Variants in MAPK10 observed in about 807,000 individuals in gnomAD.
MAPK10 encodes the protein mitogen-activated protein kinase 10, also known as JNK3 alpha protein kinase.
MAPK10 carries 25 observed loss-of-function variants against 59.3 expected under a neutral mutation model. The ratio of observed to expected loss-of-function variants is 0.42; its 90% CI spans 0.31 to 0.59. MAPK10 has a LOEUF of 0.59. Among genes scored for constraint, MAPK10 ranks in the 20% least tolerant of loss-of-function variants. The pLI is 0.15. For synonymous variants in MAPK10, 190 were observed against 200.5 expected, an observed-to-expected ratio of 0.95 and a Z score of 0.44; for missense variants, 351 against 568.9, an observed-to-expected ratio of 0.62 and a Z score of 3.90.
intron 2 of MAPK10, among the ~76,000 whole-genome samples, chr4:86,340,806 T>A (rs963884511): frequency 6.6e-6 from 1 of 152,192 alleles, no homozygotes; most frequent in Non-Finnish European, 1.5e-5. Context: ...CCAGTGTGAC[T>A]AAGAGAAAGA....
rs138103342 is a variant in MAPK10, at chr4:86,511,316, G to A, written c.-263+82594C>T. Among the ~76,000 whole-genome samples, 1,432 of 151,358 alleles carry A rather than the reference G, an allele frequency of 9.5e-3. 6 individuals are homozygous for A. The highest frequency in any genetic ancestry group is 0.014 in the Non-Finnish European group (958 of 67,632). Reference sequence around the variant, plus strand: ...CTGGGCAATGTAAGGAGACATTTTGGGAGGCCAAGGTGAGTGGATTGCATG... The same window carrying A: ...CTGGGCAATGTAAGGAGACATTTTGAGAGGCCAAGGTGAGTGGATTGCATG... On this transcript the variant is annotated intron_variant, in intron 1 of 4. Coordinates refer to the MAPK10 transcript ENST00000502302.
rs183974843 is a variant in MAPK10 at position 86,307,743 on chromosome 4, T to C, written c.-7+46787A>G. ...GCAAATAGGGGACATTAATAGGGAA[T>C]AGTAGAGTGGTGGAATATTGTCAAG... On this transcript the variant is annotated intron_variant, in intron 2 of 13. Transcript: ENST00000641462. Among the ~76,000 whole-genome samples, 289 of 152,172 alleles carry C rather than the reference T, an allele frequency of 1.9e-3. 2 individuals are homozygous for C. Among genetic ancestry groups the C allele is most frequent in the African/African-American group, 6.7e-3 (280 of 41,538 alleles).
At chr4:86,319,957 C>T (rs796489491) in intron 2 of MAPK10, among the ~76,000 whole-genome samples, 20 of 152,304 alleles carry the variant, frequency 1.3e-4, no homozygotes, top group African/African-American at 4.8e-4. Context: ...CAAAATATAC[C>T]ACTTACACCC....
At chr4:86,443,584 A>G (rs1036695060) in intron 1 of MAPK10, among the ~76,000 whole-genome samples, 17 of 151,494 alleles carry the variant, frequency 1.1e-4, no homozygotes, top group African/African-American at 4.1e-4. Flanking sequence ...TAATCACAGG[A>G]CTATTGAGCC....
At chr4:86,330,132 G>A (rs1408874169) in intron 2 of MAPK10, among the ~76,000 whole-genome samples, 1 of 152,188 alleles carries the variant, frequency 6.6e-6, no homozygotes, top group Non-Finnish European at 1.5e-5. Flanking sequence ...GGTGTATTGT[G>A]CTGTGTCCGT....
At chr4:86,411,866 G>T (rs2149027406) in intron 1 of MAPK10, among the ~76,000 whole-genome samples, 1 of 152,260 alleles carries the variant, frequency 6.6e-6, no homozygotes, top group Non-Finnish European at 1.5e-5. Flanking sequence ...TTGCCAGTCT[G>T]TGTCTTTTAA....
At chr4:86,546,331 TGAGGTTAG>T (rs1460343409) in intron 1 of MAPK10, among the ~76,000 whole-genome samples, 5 of 151,684 alleles carry the variant, frequency 3.3e-5, no homozygotes, top group Non-Finnish European at 7.4e-5. Context: ...GCAGATCACC[TGAGGTTAG>T]GAGTTCGAGA....
intron 2 of MAPK10, among the ~76,000 whole-genome samples, chr4:86,345,181 C>T (rs942355623): frequency 2.0e-5 from 3 of 152,136 alleles, no homozygotes; most frequent in Admixed American, 6.5e-5. Context: ...GCCTTCTGAG[C>T]CCCCTCTTCC....
intron 2 of MAPK10, among the ~76,000 whole-genome samples, chr4:86,225,431 C>T (rs1224256603): frequency 6.6e-6 from 1 of 152,116 alleles, no homozygotes; most frequent in Non-Finnish European, 1.5e-5. Flanking sequence ...ATGGGCAAGT[C>T]CTGTGTGACT....
intron 4 of MAPK10, among the ~76,000 whole-genome samples, chr4:86,132,957 G>A (rs1461891974): frequency 6.6e-6 from 1 of 152,096 alleles, no homozygotes; most frequent in Non-Finnish European, 1.5e-5. Flanking sequence ...TAAATGTAAT[G>A]TGCTTGAATC....
At chr4:86,400,228 T>C (rs1743514275) in intron 1 of MAPK10, among the ~76,000 whole-genome samples, 1 of 152,158 alleles carries the variant, frequency 6.6e-6, no homozygotes, top group South Asian at 2.1e-4. Context: ...TTCTCTGACA[T>C]TACATGCTGA....
chr4:86,235,845 G>A lies in MAPK10; in HGVS notation c.-6-41438C>T, dbSNP rs111503423. Among the ~76,000 whole-genome samples, 35 of 152,266 alleles carry A rather than the reference G, an allele frequency of 2.3e-4. No individual in the cohort carries two copies. The Middle Eastern group carries it at 0.01, about 44-fold the overall frequency. On this transcript the variant is annotated intron_variant, in intron 2 of 13. Transcript: ENST00000641462. Reference sequence around the variant, plus strand: ...TGATTCATGTCTTGTATTAGTTGTGGATTGCTCCTATAACAAATTACCGCA... The same window carrying A: ...TGATTCATGTCTTGTATTAGTTGTGAATTGCTCCTATAACAAATTACCGCA...
chr4:86,568,975 G>T (rs1761259184), intron 1 of MAPK10, among the ~76,000 whole-genome samples: 1 of 152,038 alleles, frequency 6.6e-6, no homozygotes, highest in Admixed American at 6.6e-5. Context: ...AAAAGCTTCT[G>T]CACAGCAAAA....
rs1741845546 is a variant in MAPK10 at position 86,013,010 on chromosome 4, A to G, written c.*4218T>C. 1 of 152,176 alleles carries G rather than the reference A, an allele frequency of 6.6e-6. No individual in the cohort carries two copies. Among genetic ancestry groups the G allele is most frequent in the African/African-American group, 2.4e-5 (1 of 41,448 alleles). 9.4% of individuals were successfully genotyped at this position (152,176 alleles called of 1,614,324 possible). A position where few individuals can be genotyped will look rare whatever the true frequency, so the allele number is the denominator to read the frequency against. On this transcript the variant is annotated 3_prime_UTR_variant, in exon 14 of 14. Coordinates refer to ENST00000641462, the MANE Select transcript of MAPK10 (RefSeq NM_138982.4). ...TGGCAAGGTGAACAGATAATCCTACATAAGGATTGGGAGATTTGTGTCCAT... is the reference window on the plus strand; with the variant it reads ...TGGCAAGGTGAACAGATAATCCTACGTAAGGATTGGGAGATTTGTGTCCAT...
intron 2 of MAPK10, among the ~76,000 whole-genome samples, chr4:86,323,228 A>C (rs992248695): frequency 1.3e-5 from 2 of 152,194 alleles, no homozygotes; most frequent in Admixed American, 6.5e-5. Context: ...GCTGGAAAGG[A>C]AGTGCTGGTA....
chr4:86,246,863 G>A (rs1056170888), intron 2 of MAPK10, among the ~76,000 whole-genome samples: 1 of 152,196 alleles, frequency 6.6e-6, no homozygotes, highest in African/African-American at 2.4e-5. Context: ...CTTCAGGAGG[G>A]TCTCTTGATT....
intron 2 of MAPK10, among the ~76,000 whole-genome samples, chr4:86,250,319 C>T (rs2093346376): frequency 6.6e-6 from 1 of 152,142 alleles, no homozygotes; most frequent in Non-Finnish European, 1.5e-5. Context: ...AGTCCTTATA[C>T]TGTATTTGTG....
intron 1 of MAPK10, among the ~76,000 whole-genome samples, chr4:86,509,579 A>G (rs549649528): frequency 1.4e-4 from 21 of 152,286 alleles, no homozygotes; most frequent in African/African-American, 3.4e-4. Flanking sequence ...ATTTAAGGCA[A>G]CTTGGAGATT....
At chr4:86,382,502 C>T (rs1740886686) in intron 1 of MAPK10, among the ~76,000 whole-genome samples, 1 of 152,142 alleles carries the variant, frequency 6.6e-6, no homozygotes, top group African/African-American at 2.4e-5. Flanking sequence ...GCTCTCTCAC[C>T]TGTGGACCGA....
Sources: gnomAD v4.1 joint callset for allele counts (sites outside exome capture counted in the v4.1 genomes callset) on GRCh38, gnomAD v4.1.1 for gene constraint, MANE v1.5 for transcripts, NCBI Gene and HGNC (gene_info 2026-07-23, HGNC 2026-07-21) for gene names.